CROT: variants seen among roughly 807,000 people sequenced by gnomAD.
The protein encoded by CROT is carnitine O-octanoyltransferase.
In CROT, 84 loss-of-function variants were observed where a neutral mutation model predicts 89.2. The ratio of observed to expected loss-of-function variants is 0.94; its 90% CI spans 0.79 to 1.13. The LOEUF (loss-of-function observed/expected upper bound fraction) is 1.13, where lower values mean the gene tolerates loss of function less well. Among genes scored for constraint, CROT ranks in the 50% most tolerant of loss-of-function variants. The probability of loss-of-function intolerance (pLI) is 0.00; values close to 1 mark genes in which losing one functional copy is unlikely to be tolerated. For missense variants in CROT, 711 were observed against 727.8 expected, an observed-to-expected ratio of 0.98 and a Z score of 0.27; for synonymous variants, 212 against 239.5, an observed-to-expected ratio of 0.89 and a Z score of 1.06.
rs1383036547 is a variant in CROT, at chr7:87,375,604, T to C, written c.657-28T>C. The C allele has an allele frequency of 1.9e-6, 3 of 1,560,076 alleles. No homozygotes were observed. The Admixed American group carries it at 5.0e-5, about 26-fold the overall frequency. ...GTAGTTACTTTCTGCCTGTACTCTT[T>C]TTTAATCTTCTTTTCATCTTCCATA... On this transcript the variant is annotated intron_variant, in intron 7 of 17. Coordinates refer to ENST00000331536, the MANE Select transcript of CROT (RefSeq NM_021151.4).
chr7:87,385,163 A>T, intron 13 of CROT, among the ~76,000 whole-genome samples: 1 of 149,480 alleles, frequency 6.7e-6, no homozygotes, highest in Admixed American at 6.7e-5. Flanking sequence ...CTGGTATTGC[A>T]TTGGCTATTC....
chr7:87,375,794 T>G, intron 8 of CROT, 34 bp from the exon 9 acceptor site: 1 of 1,612,852 alleles, frequency 6.2e-7, no homozygotes, highest in Non-Finnish European at 8.5e-7. Flanking sequence ...GTATTTCAGT[T>G]GTAATATTTG....
At chr7:87,384,326 G>A (rs966102259) in intron 13 of CROT, among the ~76,000 whole-genome samples, 7 of 152,132 alleles carry the variant, frequency 4.6e-5, no homozygotes, top group Admixed American at 2.6e-4. Flanking sequence ...GAGGTCAGGA[G>A]TTTGAGACCA....
chr7:87,350,476 G>A (rs1241318550), intron 3 of CROT, among the ~76,000 whole-genome samples: 1 of 151,966 alleles, frequency 6.6e-6, no homozygotes. Flanking sequence ...GAGAGAATAT[G>A]GCCATAGGAT....
chr7:87,357,867 C>T (rs1482596342), intron 3 of CROT, among the ~76,000 whole-genome samples: 1 of 152,122 alleles, frequency 6.6e-6, no homozygotes, highest in African/African-American at 2.4e-5. Flanking sequence ...ATCTTGAAAA[C>T]ATATATTGTT....
In CROT at chr7:87,373,443, C is replaced by CT. The variant is rs542084077; in HGVS notation, c.657-2182dup. ...GTTTTGACAAAATCCAATTTTATCT[C>CT]TTTTTTTGTTGTTACATGTGCTTTT... On this transcript the variant is annotated intron_variant, in intron 7 of 17. Coordinates refer to ENST00000331536, the MANE Select transcript of CROT (RefSeq NM_021151.4). 2.9e-3 allele frequency among the ~76,000 whole-genome samples: 448 copies of CT among 151,988 alleles called. 2 individuals are homozygous for CT. Among genetic ancestry groups the CT allele is most frequent in the African/African-American group, 0.01 (416 of 41,476 alleles).
At chr7:87,352,821 T>G (rs569762688) in intron 3 of CROT, among the ~76,000 whole-genome samples, 1 of 152,218 alleles carries the variant, frequency 6.6e-6, no homozygotes, top group Non-Finnish European at 1.5e-5. Flanking sequence ...CTTAAATTAT[T>G]TAATATCAAG....
At chr7:87,397,418 A>G (rs1027228559) in intron 17 of CROT, among the ~76,000 whole-genome samples, 4 of 152,158 alleles carry the variant, frequency 2.6e-5, no homozygotes, top group African/African-American at 9.7e-5. Context: ...TTACCTATGA[A>G]GTAAAACATG....
chr7:87,347,800 A>C lies in CROT; in HGVS notation c.-21-1248A>C, dbSNP rs568340450. Among the ~76,000 whole-genome samples the C allele has an allele frequency of 3.3e-5, 5 of 152,142 alleles. 1 individual carries two copies. The highest frequency in any genetic ancestry group is 3.3e-4 in the Admixed American group (5 of 15,284). ...CATAAATGAGGCCATGGTGCTGTTTAGTTCGTCACTACCTAGCAGGTAGTA... is the reference window on the plus strand; with the variant it reads ...CATAAATGAGGCCATGGTGCTGTTTCGTTCGTCACTACCTAGCAGGTAGTA... On this transcript the variant is annotated intron_variant, in intron 2 of 17. Coordinates refer to ENST00000331536, the MANE Select transcript of CROT (RefSeq NM_021151.4).
intron 15 of CROT, 36 bp from the exon 16 acceptor site, chr7:87,392,694 T>C (rs553561956): frequency 7.5e-6 from 12 of 1,610,400 alleles, no homozygotes; most frequent in Non-Finnish European, 1.0e-5. Flanking sequence ...TGGTGAAAAA[T>C]TTTTTTCTAA....
chr7:87,395,196 C>T (rs1287313988), intron 17 of CROT, among the ~76,000 whole-genome samples: 1 of 152,166 alleles, frequency 6.6e-6, no homozygotes, highest in South Asian at 2.1e-4. Flanking sequence ...TAGAGTCCAA[C>T]GTTCAAGGCC....
intron 13 of CROT, among the ~76,000 whole-genome samples, 153 bp from the exon 14 acceptor site, chr7:87,391,436 T>A (rs544358599): frequency 6.6e-6 from 1 of 152,346 alleles, no homozygotes; most frequent in East Asian, 1.9e-4. Context: ...TCTTTGGTAT[T>A]GGAAATAGGC....
At chr7:87,381,830 AC>A in intron 10 of CROT, 79 bp from the exon 11 acceptor site, 1 of 919,860 alleles carries the variant, frequency 1.1e-6, no homozygotes, top group Non-Finnish European at 1.7e-6. Flanking sequence ...TTAAGAATGG[AC>A]ACAAAGTGAA....
At position 87,382,201 on chromosome 7, in the gene CROT, C is replaced by T; in HGVS notation, c.1170+20C>T. 6.4e-7 allele frequency: 1 copy of T among 1,561,836 alleles called. No homozygotes were observed. Among genetic ancestry groups the T allele is most frequent in the Non-Finnish European group, 8.8e-7 (1 of 1,140,082 alleles). On this transcript the variant is annotated intron_variant, in intron 12 of 17. Coordinates refer to ENST00000331536, the MANE Select transcript of CROT (RefSeq NM_021151.4). ...AGGGAGGTATATTTTTCACTTTTCT[C>T]TTAAATAATAATGATTTTTTCTTTT...
intron 13 of CROT, among the ~76,000 whole-genome samples, chr7:87,387,348 G>A (rs1244909672): frequency 6.6e-6 from 1 of 151,944 alleles, no homozygotes; most frequent in Non-Finnish European, 1.5e-5. Context: ...TTGTGTTTAA[G>A]TCTACCATCT....
intron 7 of CROT, among the ~76,000 whole-genome samples, chr7:87,373,545 TA>T (rs915603891): frequency 1.2e-4 from 19 of 152,112 alleles, no homozygotes; most frequent in African/African-American, 3.1e-4. Context: ...AAGATCTTTT[TA>T]AAAAAAATTG....
chr7:87,368,146 T>C (rs1430171391), intron 6 of CROT, among the ~76,000 whole-genome samples: 3 of 152,220 alleles, frequency 2.0e-5, no homozygotes, highest in Non-Finnish European at 2.9e-5. Flanking sequence ...TTTATTCTAA[T>C]GCCTTTGTGC....
At chr7:87,382,288 T>G in intron 12 of CROT, 107 bp downstream of exon 12, 1 of 1,411,798 alleles carries the variant, frequency 7.1e-7, no homozygotes, top group Non-Finnish European at 9.8e-7. Context: ...ATTTTAAAAT[T>G]ATGCCTTTAA....
chr7:87,362,272 T>C (rs541116468), intron 6 of CROT, among the ~76,000 whole-genome samples: 15 of 151,950 alleles, frequency 9.9e-5, no homozygotes, highest in Admixed American at 9.8e-4. Context: ...TCCCTCCACC[T>C]TATATGAGGT....
Sources: allele counts gnomAD v4.1 joint callset (sites outside exome capture counted in the v4.1 genomes callset), GRCh38; gene constraint gnomAD v4.1.1; transcripts MANE v1.5; gene names NCBI Gene and HGNC (gene_info 2026-07-23, HGNC 2026-07-21).